The following MOV10L1 variants were observed in gnomAD, a reference collection of about 807,000 sequenced individuals.
MOV10L1 encodes RNA helicase Mov10l1.
Under a neutral mutation model 143.8 loss-of-function variants are expected in MOV10L1, and 110 were observed. The ratio of observed to expected loss-of-function variants is 0.76; its 90% CI spans 0.66 to 0.90. MOV10L1 has a LOEUF of 0.90. MOV10L1 is among the 40% of genes least tolerant of loss of function. MOV10L1 has a pLI of 0.00. For synonymous variants in MOV10L1, 593 were observed against 581.1 expected (o/e 1.02, Z -0.29); for missense variants, 1,406 against 1,526.8 (o/e 0.92, Z 1.32).
chr22:50,113,918 T>C (rs1390469470), intron 6 of MOV10L1, 130 bp downstream of exon 6: 12 of 861,866 alleles, frequency 1.4e-5, no homozygotes, highest in Admixed American at 8.3e-5. Context: ...TTTTCTTTTT[T>C]TTTTTTTTTT....
intron 15 of MOV10L1, among the ~76,000 whole-genome samples, chr22:50,137,408 G>A (rs2062849347): frequency 6.6e-6 from 1 of 152,142 alleles, no homozygotes; most frequent in Non-Finnish European, 1.5e-5. Context: ...ACTAGACAAT[G>A]CAGAAGGAAA....
At chr22:50,103,936 T>G (rs915779767) in intron 3 of MOV10L1, among the ~76,000 whole-genome samples, 1 of 152,162 alleles carries the variant, frequency 6.6e-6, no homozygotes, top group African/African-American at 2.4e-5. Context: ...TTTCTATTAT[T>G]ATTATGTTGT....
At chr22:50,128,543 T>C in intron 13 of MOV10L1, 36 bp downstream of exon 13, 9 of 410,216 alleles carry the variant, frequency 2.2e-5, no homozygotes, top group East Asian at 7.2e-5. Flanking sequence ...CAAATGTCTT[T>C]TTTTTTTTTT....
intron 13 of MOV10L1, among the ~76,000 whole-genome samples, chr22:50,133,725 G>C (rs1223408056): frequency 6.6e-6 from 1 of 151,970 alleles, no homozygotes; most frequent in Non-Finnish European, 1.5e-5. Context: ...TGTATTTTTA[G>C]TAGAGGCAGG....
In MOV10L1 at chr22:50,091,403, G is replaced by A. The variant is rs556634336; in HGVS notation, c.98-598G>A. ...GGGCCAGACTTGTCTGCCCAGCCCC[G>A]AACCTTTTCCAGCACCGTGTTTGTT... On this transcript the variant is annotated intron_variant, in intron 1 of 26. Coordinates refer to ENST00000262794, the MANE Select transcript of MOV10L1 (RefSeq NM_018995.3). 4 of 166,728 alleles carry A rather than the reference G, an allele frequency of 2.4e-5. No individual in the cohort carries two copies. In the East Asian group the frequency reaches 7.7e-4, roughly 32 times the overall value. 10.3% of individuals were successfully genotyped at this position (166,728 alleles called of 1,614,324 possible).
chr22:50,138,498 C>T (rs1257917982), intron 15 of MOV10L1, among the ~76,000 whole-genome samples: 1 of 151,104 alleles, frequency 6.6e-6, no homozygotes, highest in Non-Finnish European at 1.5e-5. Flanking sequence ...GTTGAGGCTG[C>T]AGTGAGCTGT....
chr22:50,155,423 A>T (rs2063401211), intron 22 of MOV10L1, among the ~76,000 whole-genome samples: 1 of 150,944 alleles, frequency 6.6e-6, no homozygotes, highest in Non-Finnish European at 1.5e-5. Context: ...ACCACGTCCA[A>T]CTAATTTTCG....
rs1022970763 is a variant in MOV10L1 at position 50,147,195 on chromosome 22, G to A, written c.2627+1385G>A. 8.5e-6 allele frequency: 12 copies of A among 1,410,180 alleles called. 1 individual carries two copies. Among genetic ancestry groups the A allele is most frequent in the African/African-American group, 6.0e-5 (4 of 66,256 alleles). 87.4% of individuals were successfully genotyped at this position (1,410,180 alleles called of 1,614,324 possible). ...GCCAGGGCAGGCCGCTCTCTCAGAG[G>A]CACTCTGTGCAGAAGCAGGGAGGGT... On this transcript the variant is annotated intron_variant, in intron 19 of 26. Transcript: ENST00000262794.
Position 50,108,156 on chromosome 22 carries a change from G to A in MOV10L1, c.463G>A (p.Asp155Asn), listed in dbSNP as rs544527001. 3 of 1,614,090 alleles carry A rather than the reference G, an allele frequency of 1.9e-6. No homozygotes were observed. The African/African-American group carries it at 4.0e-5, about 22-fold the overall frequency. ...VCEGFEPCKG[D>N]WVEAEYRIRP... ...TTTAGGCTTCGAGCCCTGCAAGGGA[G>A]ACTGGGTGGAGGCTGAGTACCGGAT... Residue 155 changes from aspartate to asparagine, a missense_variant, in exon 4 of 27, where the codon GAC (aspartate) becomes AAC (asparagine). Around this residue, in one of 3 missense-constraint regions of MOV10L1, gnomAD observed 1,233 missense variants for 1,351.4 expected, o/e 0.91. Transcript: ENST00000262794.
chr22:50,150,808 A>G lies in MOV10L1; in HGVS notation c.2801A>G (p.Asn934Ser), dbSNP rs2063278460. ...AGACTCGCCATGGCCTATGGGCTGA[A>G]CGTGTCCTTTTTGGAACGGCTGATG... Reference protein sequence around the residue: ...KSRLAMAYGLNVSFLERLMSR... With the variant: ...KSRLAMAYGLSVSFLERLMSR... The change falls in exon 21 of 27, where the codon AAC (asparagine) becomes AGC (serine). Residue 934 changes from asparagine (N) to serine (S), a missense_variant. Asn to Ser is a conservative substitution (Grantham distance 46, BLOSUM62 1). Around this residue, in one of 3 missense-constraint regions of MOV10L1, gnomAD observed 1,233 missense variants for 1,351.4 expected, o/e 0.91. Coordinates refer to ENST00000262794, the MANE Select transcript of MOV10L1 (RefSeq NM_018995.3). 2 of 1,614,098 alleles carry G rather than the reference A, an allele frequency of 1.2e-6. No individual in the cohort carries two copies. The highest frequency in any genetic ancestry group is 1.3e-5 in the African/African-American group (1 of 74,918).
intron 18 of MOV10L1, among the ~76,000 whole-genome samples, chr22:50,145,273 A>C (rs1437997200): frequency 6.6e-6 from 1 of 152,168 alleles, no homozygotes; most frequent in Non-Finnish European, 1.5e-5. Context: ...GACATTGAAA[A>C]TAGCTGGGCG....
intron 10 of MOV10L1, among the ~76,000 whole-genome samples, chr22:50,121,950 T>C (rs2062358671): frequency 6.6e-6 from 1 of 152,226 alleles, no homozygotes; most frequent in African/African-American, 2.4e-5. Context: ...CTGCAAAATA[T>C]AGCATTGGAA....
chr22:50,095,051 A>T (rs949438689), intron 2 of MOV10L1: 3 of 152,188 alleles, frequency 2.0e-5, no homozygotes, highest in African/African-American at 7.2e-5. Flanking sequence ...ATAAATAAAT[A>T]AAAGTGTTTC....
intron 19 of MOV10L1, among the ~76,000 whole-genome samples, chr22:50,146,566 G>C (rs1165034524): frequency 1.3e-5 from 2 of 152,106 alleles, no homozygotes; most frequent in Non-Finnish European, 2.9e-5. Flanking sequence ...GGAGAAGCCA[G>C]GGCCTCTGAG....
intron 6 of MOV10L1, 147 bp downstream of exon 6, chr22:50,113,935 T>C (rs2062094464): frequency 5.0e-6 from 4 of 799,694 alleles, no homozygotes; most frequent in Non-Finnish European, 6.9e-6. Flanking sequence ...TTTTTTTTTT[T>C]TGAGACAGCG....
intron 3 of MOV10L1, among the ~76,000 whole-genome samples, chr22:50,100,477 T>A (rs1433781031): frequency 6.6e-6 from 1 of 152,128 alleles, no homozygotes; most frequent in Non-Finnish European, 1.5e-5. Context: ...GGGATGACAT[T>A]GTACGTTTCC....
At chr22:50,129,155 T>C (rs535868276) in intron 13 of MOV10L1, among the ~76,000 whole-genome samples, 1 of 152,276 alleles carries the variant, frequency 6.6e-6, no homozygotes, top group South Asian at 2.1e-4. Context: ...TTTTGAGATA[T>C]AAAGGTGCAT....
In MOV10L1 at chr22:50,120,495, T is replaced by G. The variant is rs115041986; in HGVS notation, c.1455-7T>G. 256 of 1,570,916 alleles carry G rather than the reference T, an allele frequency of 1.6e-4. No individual in the cohort carries two copies. In the African/African-American group the frequency reaches 3.2e-3, roughly 19 times the overall value. On this transcript the variant is annotated splice_region_variant and splice_polypyrimidine_tract_variant and intron_variant, in intron 9 of 26. Coordinates refer to ENST00000262794, the MANE Select transcript of MOV10L1 (RefSeq NM_018995.3). ...TTATTTTTAACTTGTGAACTTAATTTTTTAAGGAACTCAAGACGACAACTT... is the reference window on the plus strand; with the variant it reads ...TTATTTTTAACTTGTGAACTTAATTGTTTAAGGAACTCAAGACGACAACTT...
intron 19 of MOV10L1, among the ~76,000 whole-genome samples, chr22:50,146,049 C>A (rs2063144191): frequency 6.6e-6 from 1 of 152,122 alleles, no homozygotes; most frequent in South Asian, 2.1e-4. Context: ...CTGGCCCATG[C>A]AGAGGCCCCG....
Sources: gnomAD v4.1 joint callset for allele counts (sites outside exome capture counted in the v4.1 genomes callset) on GRCh38, gnomAD v4.1.1 for gene constraint, gnomAD v4.1.1 regional missense constraint, MANE v1.5 for transcripts, NCBI Gene and HGNC (gene_info 2026-07-23, HGNC 2026-07-21) for gene names.